Variants in ZNF808 observed in about 807,000 individuals in gnomAD.
ZNF808 encodes the protein zinc finger protein 808.
A neutral mutation model predicts 8.7 loss-of-function variants in ZNF808; 5 were observed. The observed-to-expected ratio is 0.58, with a 90% CI of 0.30 to 1.21. The LOEUF (loss-of-function observed/expected upper bound fraction) is 1.21, where lower values mean the gene tolerates loss of function less well. Among genes scored for constraint, ZNF808 ranks in the 50% most tolerant of loss-of-function variants. The pLI is 0.07. For synonymous variants in ZNF808, 380 were observed against 366.0 expected (o/e 1.04, Z -0.44); for missense variants, 1,103 against 1,098.4 (o/e 1.00, Z -0.06).
intron 3 of ZNF808, chr19:52,563,257 G>A (rs2059863517): frequency 6.6e-6 from 1 of 151,996 alleles, no homozygotes; most frequent in Non-Finnish European, 1.5e-5. Context: ...TTATTATTTC[G>A]TTGCTAGTCT....
intron 3 of ZNF808, among the ~76,000 whole-genome samples, chr19:52,544,973 A>G (rs2059707441): frequency 2.0e-5 from 3 of 152,016 alleles, no homozygotes; most frequent in South Asian, 4.1e-4. Context: ...TTTAGTAGAG[A>G]TGGGGTTTCA....
intron 2 of ZNF808, among the ~76,000 whole-genome samples, chr19:52,539,446 C>T (rs1251019353): frequency 2.0e-5 from 3 of 151,690 alleles, no homozygotes; most frequent in Non-Finnish European, 2.9e-5. Context: ...GCCTTGGCCT[C>T]CCAAAGTGCT....
At chr19:52,530,664 C>A (rs1167046124) in intron 1 of ZNF808, among the ~76,000 whole-genome samples, 6 of 148,426 alleles carry the variant, frequency 4.0e-5, no homozygotes, top group African/African-American at 5.0e-5. Context: ...CTCCATCTGA[C>A]AAAAAAAAAG....
chr19:52,543,161 G>C, intron 2 of ZNF808, 105 bp from the exon 3 acceptor site: 1 of 1,168,396 alleles, frequency 8.6e-7, no homozygotes, highest in Non-Finnish European at 1.2e-6. Flanking sequence ...AGTGGGCAGT[G>C]GGGGACTTCT....
exon 4 of ZNF808, chr19:52,563,522 GATGCTGTCTAAAAAAGA>G (rs1239198610): frequency 2.0e-5 from 3 of 152,490 alleles, no homozygotes; most frequent in African/African-American, 7.2e-5. Context: ...GACAGAGCAA[GATGCTGTCTAAAAAAGA>G]ATACTTATTG....
At chr19:52,560,647 G>T (rs1257601102), downstream of ZNF808, among the ~76,000 whole-genome samples, 4 of 152,096 alleles carry the variant, frequency 2.6e-5, no homozygotes, top group African/African-American at 7.2e-5. Context: ...TTTGGATCTT[G>T]TTCATTCTTG....
chr19:52,539,668 C>G (rs2059651567), intron 2 of ZNF808, among the ~76,000 whole-genome samples: 1 of 149,512 alleles, frequency 6.7e-6, no homozygotes, highest in African/African-American at 2.5e-5. Context: ...ATTCTCCTGC[C>G]TCAGCCTCCT....
chr19:52,555,094 T>C lies in ZNF808; in HGVS notation c.2178T>C (p.Arg726=), dbSNP rs970680941. 1.9e-6 allele frequency: 3 copies of C among 1,614,034 alleles called. No individual in the cohort carries two copies. The African/African-American group carries it at 4.0e-5, about 22-fold the overall frequency. The change falls in exon 5 of 5, where the codon CGT becomes CGC. Residue 726 remains arginine, a synonymous_variant. Transcript: ENST00000359798. The part of the protein sequence containing the change: ...FSNRSSLVCH[R]RIHSGEKPYK... The stretch of plus-strand genomic sequence containing the variant: ...ACAGGTCATCCCTTGTATGCCATCG[T>C]AGAATTCATAGTGGTGAGAAACCTT...
At chr19:52,540,256 T>G (rs2059657879) in intron 2 of ZNF808, among the ~76,000 whole-genome samples, 1 of 151,990 alleles carries the variant, frequency 6.6e-6, no homozygotes, top group Admixed American at 6.6e-5. Context: ...GTGGTCTTCC[T>G]GCCCCGGCCT....
downstream of ZNF808, among the ~76,000 whole-genome samples, chr19:52,561,142 G>C (rs1239204978): frequency 1.6e-5 from 2 of 123,360 alleles, no homozygotes; most frequent in East Asian, 5.2e-4. Flanking sequence ...TATCCCCCTT[G>C]ATGTACTTCT....
downstream of ZNF808, chr19:52,556,572 C>T (rs898775196): frequency 2.6e-5 from 4 of 152,270 alleles, no homozygotes; most frequent in East Asian, 1.9e-4. Flanking sequence ...GATCTGCCCA[C>T]CTTGGCATCC....
chr19:52,565,049 G>A (rs926304919), downstream of ZNF808, among the ~76,000 whole-genome samples: 1 of 152,114 alleles, frequency 6.6e-6, no homozygotes, highest in Non-Finnish European at 1.5e-5. Context: ...TAGCACCACT[G>A]CACTCTGGCC....
At chr19:52,561,636 C>T (rs1196827748) in intron 3 of ZNF808, among the ~76,000 whole-genome samples, 1 of 151,938 alleles carries the variant, frequency 6.6e-6, no homozygotes. Flanking sequence ...CAACCTCTGC[C>T]TCCCAGGTTC....
At chr19:52,539,545 GTGGTTTTTTTT>G (rs1221996181) in intron 2 of ZNF808, among the ~76,000 whole-genome samples, 5 of 84,286 alleles carry the variant, frequency 5.9e-5, no homozygotes, top group South Asian at 4.2e-4. Context: ...TTTTGTTGTG[GTGGTTTTTTTT>G]TTTTTTTTTT....
chr19:52,555,813 A>G lies in ZNF808; in HGVS notation c.*185A>G. On this transcript the variant is annotated 3_prime_UTR_variant, in exon 5 of 5. Coordinates refer to ENST00000359798, the MANE Select transcript of ZNF808 (RefSeq NM_001039886.4). Reference sequence around the variant, plus strand: ...CCTTACAAATGTCATGATTGAGGCAAGGTCTTCAGTCAAGCTTCATCCTAT... The same window carrying G: ...CCTTACAAATGTCATGATTGAGGCAGGGTCTTCAGTCAAGCTTCATCCTAT... 1.1e-6 allele frequency: 1 copy of G among 915,936 alleles called. No individual in the cohort carries two copies. The highest frequency in any genetic ancestry group is 1.4e-5 in the South Asian group (1 of 72,514). The allele number at this position is 915,936 out of a possible 1,614,324, so 56.7% of individuals were successfully genotyped here.
At chr19:52,558,017 CTTTTTT>C (rs66789100), downstream of ZNF808, among the ~76,000 whole-genome samples, 9 of 46,384 alleles carry the variant, frequency 1.9e-4, no homozygotes, top group Admixed American at 1.9e-3. Flanking sequence ...CTAGGTGTGG[CTTTTTT>C]TTTTTTTTTT....
chr19:52,561,706 C>T (rs943942955), intron 3 of ZNF808, among the ~76,000 whole-genome samples: 1 of 152,048 alleles, frequency 6.6e-6, no homozygotes, highest in African/African-American at 2.4e-5. Flanking sequence ...TACCACCACA[C>T]CCAGCTAATT....
exon 4 of ZNF808, chr19:52,563,862 G>T: frequency 1.3e-5 from 3 of 238,408 alleles, no homozygotes; most frequent in Non-Finnish European, 1.6e-5. Flanking sequence ...TGGGCACAGT[G>T]GTGGGCACCT....
chr19:52,546,037 A>G (rs1211566552), intron 3 of ZNF808, among the ~76,000 whole-genome samples: 11 of 152,170 alleles, frequency 7.2e-5, no homozygotes. Context: ...TTTTCCTAGT[A>G]TGTGTGATGC....
Sources: gnomAD v4.1 joint callset for allele counts (sites outside exome capture counted in the v4.1 genomes callset) on GRCh38, gnomAD v4.1.1 for gene constraint, MANE v1.5 for transcripts, NCBI Gene and HGNC (gene_info 2026-07-23, HGNC 2026-07-21) for gene names.